Variants in PIGN observed in about 807,000 individuals in gnomAD.
PIGN encodes the protein phosphatidylinositol glycan anchor biosynthesis class N, also known as GPI ethanolamine phosphate transferase 1.
In PIGN, 117 loss-of-function variants were observed where a neutral mutation model predicts 125.4. The observed-to-expected ratio is 0.93, with a 90% CI of 0.80 to 1.09. The LOEUF (loss-of-function observed/expected upper bound fraction) is 1.09. Among genes scored for constraint, PIGN ranks in the 50% least tolerant of loss-of-function variants. The pLI is 0.00. For missense variants in PIGN, 1,075 were observed against 1,094.9 expected (o/e 0.98, Z 0.26); for synonymous variants, 392 against 377.8 (o/e 1.04, Z -0.44).
chr18:62,102,056 T>C (rs62095313), intron 21 of PIGN, among the ~76,000 whole-genome samples: 25,877 of 151,552 alleles, frequency 0.17, 2,935 homozygotes, highest in Middle Eastern at 0.29. Flanking sequence ...GGTGAAACCC[T>C]GACTCTACTA....
At chr18:62,083,178 C>T (rs1389199620) in intron 27 of PIGN, among the ~76,000 whole-genome samples, 1 of 152,000 alleles carries the variant, frequency 6.6e-6, no homozygotes, top group Non-Finnish European at 1.5e-5. Context: ...ACATTATAAA[C>T]ATGATTCAGC....
At chr18:62,162,868 A>C (rs2037005230) in intron 2 of PIGN, among the ~76,000 whole-genome samples, 3 of 152,168 alleles carry the variant, frequency 2.0e-5, no homozygotes, top group Admixed American at 1.3e-4. Flanking sequence ...TAAACAACCT[A>C]ATGAACATTA....
At chr18:62,095,076 T>C (rs760199659) in intron 23 of PIGN, among the ~76,000 whole-genome samples, 2 of 152,204 alleles carry the variant, frequency 1.3e-5, no homozygotes, top group African/African-American at 4.8e-5. Flanking sequence ...AGCATAATGG[T>C]GAATCCCTAG....
intron 20 of PIGN, chr18:62,103,880 T>A (rs2034540984): frequency 6.6e-6 from 1 of 152,196 alleles, no homozygotes; most frequent in Non-Finnish European, 1.5e-5. Context: ...ATCAAGATTC[T>A]TTGCTTTTTT....
chr18:62,105,170 G>A (rs924302906), intron 20 of PIGN: 1 of 159,028 alleles, frequency 6.3e-6, no homozygotes, highest in Admixed American at 6.4e-5. Flanking sequence ...AGCAAAGAGG[G>A]CTAACACAGT....
intron 7 of PIGN, among the ~76,000 whole-genome samples, chr18:62,150,525 C>G (rs1322163213): frequency 2.0e-5 from 3 of 152,206 alleles, no homozygotes; most frequent in Admixed American, 1.3e-4. Context: ...AGATTCAACC[C>G]AGGCGAACCT....
intron 13 of PIGN, among the ~76,000 whole-genome samples, 200 bp downstream of exon 13, chr18:62,138,783 A>G (rs2036028200): frequency 6.6e-6 from 1 of 150,396 alleles, no homozygotes; most frequent in African/African-American, 2.5e-5. Flanking sequence ...CATACTCCTC[A>G]AACACAATTT....
rs2030513407 is a variant in PIGN at position 62,044,374 on chromosome 18, CTT to C, written c.*1480_*1481del. The C allele has an allele frequency of 6.6e-6, 1 of 152,084 alleles. No individual in the cohort carries two copies. Among genetic ancestry groups the C allele is most frequent in the Non-Finnish European group, 1.5e-5 (1 of 68,008 alleles). The allele number at this position is 152,084 out of a possible 1,614,324, so 9.4% of individuals were successfully genotyped here. A position where few individuals can be genotyped will look rare whatever the true frequency, so the allele number is the denominator to read the frequency against. ...TGTGAAAAAAACTGATAAAAAAATC[CTT>C]TGAGGTAATATGAAAGTTCATGATT... On this transcript the variant is annotated 3_prime_UTR_variant, in exon 31 of 31. Transcript: ENST00000640252.
intron 30 of PIGN, among the ~76,000 whole-genome samples, chr18:62,048,622 G>A (rs2030938263): frequency 1.4e-5 from 2 of 145,254 alleles, no homozygotes. Context: ...ATTCACAGAT[G>A]AAAAAAAAAA....
At chr18:62,114,840 C>T (rs1024623605) in intron 14 of PIGN, among the ~76,000 whole-genome samples, 5 of 152,156 alleles carry the variant, frequency 3.3e-5, no homozygotes, top group East Asian at 1.9e-4. Context: ...GTTTTCTTGA[C>T]TCGAAGTTTC....
intron 16 of PIGN, 104 bp from the exon 17 acceptor site, chr18:62,110,077 T>C: frequency 1.0e-6 from 1 of 985,840 alleles, no homozygotes. Context: ...TTTCTTTCAA[T>C]GGTTATACTA....
chr18:62,125,378 T>C (rs2035496352), intron 14 of PIGN, among the ~76,000 whole-genome samples: 2 of 152,056 alleles, frequency 1.3e-5, no homozygotes, highest in East Asian at 1.9e-4. Flanking sequence ...TAAGACATAT[T>C]AGAATCTGAA....
chr18:62,069,464 C>T (rs1480783560), intron 30 of PIGN: 1 of 152,140 alleles, frequency 6.6e-6, no homozygotes, highest in Non-Finnish European at 1.5e-5. Context: ...AACAGGTGAA[C>T]AATATGGCAT....
At chr18:62,033,536 C>A (rs2030220541) in intron 23 of PIGN, among the ~76,000 whole-genome samples, 1 of 152,182 alleles carries the variant, frequency 6.6e-6, no homozygotes, top group Non-Finnish European at 1.5e-5. Flanking sequence ...GCACGAATGC[C>A]TACAAACATG....
chr18:62,028,539 A>G (rs1387767233), intron 23 of PIGN, among the ~76,000 whole-genome samples: 1 of 152,220 alleles, frequency 6.6e-6, no homozygotes, highest in African/African-American at 2.4e-5. Context: ...TTCTGCTTAA[A>G]ATTTTTAGAA....
At chr18:62,020,510 T>A (rs1383733387) in intron 23 of PIGN, among the ~76,000 whole-genome samples, 2 of 151,164 alleles carry the variant, frequency 1.3e-5, no homozygotes, top group South Asian at 2.1e-4. Flanking sequence ...TAAAACAGTT[T>A]TTTTTTTTTA....
rs1433882317 is a variant in PIGN at position 62,042,530 on chromosome 18, C to A, written c.*3326G>T. 6.6e-6 allele frequency: 1 copy of A among 152,020 alleles called. No homozygotes were observed. The highest frequency in any genetic ancestry group is 1.5e-5 in the Non-Finnish European group (1 of 67,992). The allele number at this position is 152,020 out of a possible 1,614,324, so 9.4% of individuals were successfully genotyped here. On this transcript the variant is annotated 3_prime_UTR_variant, in exon 31 of 31. Transcript: ENST00000640252. The stretch of plus-strand genomic sequence containing the variant: ...GAATAAGAGACACATCTCAAAGGTT[C>A]TTTTTGTTTCTTTATAGAATGAATA...
chr18:62,136,842 G>A (rs761603007), intron 14 of PIGN: 4 of 379,964 alleles, frequency 1.1e-5, no homozygotes, highest in Non-Finnish European at 1.9e-5. Context: ...TGCAGAGCCA[G>A]GTCTGTGATC....
chr18:62,077,373 AAAACAAAC>A lies in PIGN; in HGVS notation c.2577-2560_2577-2553del, dbSNP rs372819340. The stretch of plus-strand genomic sequence containing the variant: ...GGGTGACAGAGTGAGACTCTGCCTC[AAAACAAAC>A]AAACAAACAAACAAACAAAACCTTT... On this transcript the variant is annotated intron_variant, in intron 28 of 30. Transcript: ENST00000640252. Among the ~76,000 whole-genome samples the A allele has an allele frequency of 3.0e-4, 45 of 152,168 alleles. 1 individual carries two copies. The East Asian group carries it at 6.6e-3, about 22-fold the overall frequency.
Sources: allele counts gnomAD v4.1 joint callset (sites outside exome capture counted in the v4.1 genomes callset), GRCh38; gene constraint gnomAD v4.1.1; transcripts MANE v1.5; gene names NCBI Gene and HGNC (gene_info 2026-07-23, HGNC 2026-07-21).